SP4: variants seen among roughly 807,000 people sequenced by gnomAD.
The protein encoded by SP4 is transcription factor Sp4.
SP4 carries 19 observed loss-of-function variants against 72.8 expected under a neutral mutation model. That is an observed-to-expected ratio of 0.26 (90% CI 0.18 to 0.38). The LOEUF (loss-of-function observed/expected upper bound fraction) is 0.38, where lower values mean the gene tolerates loss of function less well. Ranked by LOEUF, SP4 falls within the 10% of genes least tolerant of loss-of-function variation. The pLI, the probability that SP4 is intolerant of heterozygous loss-of-function variation, is 1.00. For missense variants in SP4, 1,008 were observed against 926.3 expected, an observed-to-expected ratio of 1.09 and a Z score of -1.14; for synonymous variants, 395 against 333.1, an observed-to-expected ratio of 1.19 and a Z score of -2.02.
At chr7:21,459,258 T>A (rs950277489) in intron 3 of SP4, among the ~76,000 whole-genome samples, 10 of 152,316 alleles carry the variant, frequency 6.6e-5, no homozygotes, top group African/African-American at 2.4e-4. Context: ...TAGCTGGTAC[T>A]ACAGGCATGT....
intron 5 of SP4, among the ~76,000 whole-genome samples, chr7:21,504,343 A>G (rs1781941917): frequency 6.6e-6 from 1 of 152,224 alleles, no homozygotes; most frequent in Non-Finnish European, 1.5e-5. Context: ...AAGCATATTT[A>G]GAATCAGTAT....
chr7:21,500,178 TG>T (rs1215936405), intron 5 of SP4, among the ~76,000 whole-genome samples: 9 of 152,200 alleles, frequency 5.9e-5, no homozygotes, highest in African/African-American at 2.2e-4. Context: ...AAAAATTTCT[TG>T]GGATACATTG....
intron 3 of SP4, among the ~76,000 whole-genome samples, chr7:21,469,192 ATAT>A (rs1562607432): frequency 6.6e-6 from 1 of 152,138 alleles, no homozygotes; most frequent in African/African-American, 2.4e-5. Context: ...ATAATTTGTA[ATAT>A]TAATAACTTA....
intron 5 of SP4, among the ~76,000 whole-genome samples, chr7:21,504,005 T>A (rs1346752497): frequency 1.3e-5 from 2 of 152,172 alleles, no homozygotes; most frequent in Non-Finnish European, 1.5e-5. Flanking sequence ...TCAGTCTGAG[T>A]GACCCCTGTC....
At chr7:21,501,934 A>C (rs1781873077) in intron 5 of SP4, among the ~76,000 whole-genome samples, 1 of 151,898 alleles carries the variant, frequency 6.6e-6, no homozygotes. Flanking sequence ...TCTGTTGATT[A>C]TAATAGATGT....
At chr7:21,443,556 T>TA (rs1415225125) in intron 3 of SP4, among the ~76,000 whole-genome samples, 1 of 152,204 alleles carries the variant, frequency 6.6e-6, no homozygotes, top group African/African-American at 2.4e-5. Flanking sequence ...AGTTCTGTAA[T>TA]AATGAGTCAA....
At chr7:21,455,747 A>C (rs575792296) in intron 3 of SP4, among the ~76,000 whole-genome samples, 1 of 152,084 alleles carries the variant, frequency 6.6e-6, no homozygotes, top group Non-Finnish European at 1.5e-5. Context: ...ACCAACCTTC[A>C]TCTCTGTCTT....
At chr7:21,486,712 T>C (rs1444657213) in intron 5 of SP4, among the ~76,000 whole-genome samples, 1 of 152,194 alleles carries the variant, frequency 6.6e-6, no homozygotes, top group East Asian at 1.9e-4. Flanking sequence ...TTGGTTAATG[T>C]AGGGTGTGCC....
chr7:21,503,944 A>G (rs1781930499), intron 5 of SP4, among the ~76,000 whole-genome samples: 1 of 152,176 alleles, frequency 6.6e-6, no homozygotes, highest in South Asian at 2.1e-4. Context: ...TGTAGATACT[A>G]GTTTTCTCAT....
intron 4 of SP4, among the ~76,000 whole-genome samples, chr7:21,478,178 T>C (rs1037433600): frequency 3.9e-5 from 6 of 152,234 alleles, no homozygotes; most frequent in Non-Finnish European, 8.8e-5. Context: ...TTCAACCATA[T>C]TACAGTATGA....
At chr7:21,510,719 G>T (rs980986785) in intron 5 of SP4, among the ~76,000 whole-genome samples, 1 of 152,150 alleles carries the variant, frequency 6.6e-6, no homozygotes, top group Non-Finnish European at 1.5e-5. Flanking sequence ...TAAATTGTCT[G>T]CTAAAAACCC....
intron 5 of SP4, chr7:21,482,616 C>G: frequency 1.0e-6 from 1 of 978,920 alleles, no homozygotes; most frequent in Non-Finnish European, 1.2e-6. Flanking sequence ...TACAGCAAAG[C>G]AGTTATAAAG....
chr7:21,447,745 G>A (rs891441712), intron 3 of SP4, among the ~76,000 whole-genome samples: 4 of 152,250 alleles, frequency 2.6e-5, no homozygotes, highest in Admixed American at 1.3e-4. Flanking sequence ...ATGCAGTGGC[G>A]TGATCTCAGC....
Position 21,429,536 on chromosome 7 carries a change from C to T in SP4, c.371C>T (p.Ser124Leu), listed in dbSNP as rs374429537. 4 of 1,613,778 alleles carry T rather than the reference C, an allele frequency of 2.5e-6. No homozygotes were observed. The highest frequency in any genetic ancestry group is 2.2e-5 in the South Asian group (2 of 91,078). Reference sequence around the variant, plus strand: ...AACGTTTCTCAACCAGCCTCTAGTTCGTCTAGTTCTTCCAGCAGTAATAAC... The same window carrying T: ...AACGTTTCTCAACCAGCCTCTAGTTTGTCTAGTTCTTCCAGCAGTAATAAC... ...ENNVSQPASS[S>L]SSSSSSNNGS... The change falls in exon 3 of 6, where the codon TCG becomes TTG. Residue 124 changes from serine (S) to leucine (L), a missense_variant. Physicochemically the swap from Ser to Leu is moderately radical, Grantham distance 145. Coordinates refer to ENST00000222584, the MANE Select transcript of SP4 (RefSeq NM_003112.5).
In SP4 at chr7:21,429,745, G is replaced by GGTC. The variant is rs1335081991; in HGVS notation, c.581_583dup (p.Gly194_Gln195insArg). 1.2e-6 allele frequency: 2 copies of GGTC among 1,613,900 alleles called. No individual in the cohort carries two copies. Among genetic ancestry groups the GGTC allele is most frequent in the Admixed American group, 3.3e-5 (2 of 59,996 alleles). ...TAGTTCATCTCTACAGGATTTGCAGGGTCAAATTCAGCTCATTTCTGCAGG... is the reference window on the plus strand; with the variant it reads ...TAGTTCATCTCTACAGGATTTGCAGGGTCGTCAAATTCAGCTCATTTCTGCAGG... On this transcript the variant is annotated inframe_insertion, in exon 3 of 6. Transcript: ENST00000222584.
chr7:21,457,223 C>T (rs1783795079), intron 3 of SP4, among the ~76,000 whole-genome samples: 1 of 152,044 alleles, frequency 6.6e-6, no homozygotes. Context: ...ATAATCTGGT[C>T]CCTGCCAGAT....
chr7:21,455,710 G>T (rs1055162450), intron 3 of SP4, among the ~76,000 whole-genome samples: 1 of 152,142 alleles, frequency 6.6e-6, no homozygotes, highest in Non-Finnish European at 1.5e-5. Flanking sequence ...CTTCAACCCT[G>T]TTCTAATGGT....
chr7:21,502,736 G>A (rs1187894130), intron 5 of SP4, among the ~76,000 whole-genome samples: 2 of 152,056 alleles, frequency 1.3e-5, no homozygotes, highest in Admixed American at 6.6e-5. Context: ...ATTATTTGGT[G>A]GACTAAAGTG....
At chr7:21,467,575 A>G (rs759894219) in intron 3 of SP4, among the ~76,000 whole-genome samples, 1 of 152,130 alleles carries the variant, frequency 6.6e-6, no homozygotes, top group East Asian at 1.9e-4. Flanking sequence ...TTAGGAATAT[A>G]CATCCTGCTT....
Sources: gnomAD v4.1 joint callset for allele counts (sites outside exome capture counted in the v4.1 genomes callset) on GRCh38, gnomAD v4.1.1 for gene constraint, MANE v1.5 for transcripts, NCBI Gene and HGNC (gene_info 2026-07-23, HGNC 2026-07-21) for gene names.